Variants in ATF7 observed in about 807,000 individuals in gnomAD.
ATF7 encodes cyclic AMP-dependent transcription factor ATF-7.
ATF7 carries 10 observed loss-of-function variants against 50.4 expected under a neutral mutation model. That is an observed-to-expected ratio of 0.20 (90% CI 0.12 to 0.34). The LOEUF (loss-of-function observed/expected upper bound fraction) is 0.34, where lower values mean the gene tolerates loss of function less well. ATF7 is among the 10% of genes least tolerant of loss of function. The probability of loss-of-function intolerance (pLI) is 1.00; values close to 1 mark genes in which losing one functional copy is unlikely to be tolerated. For missense variants in ATF7, 465 were observed against 613.9 expected (o/e 0.76, Z 2.56); for synonymous variants, 201 against 226.4 (o/e 0.89, Z 1.01).
intron 1 of ATF7, among the ~76,000 whole-genome samples, chr12:53,615,194 T>C (rs1369173371): frequency 4.0e-5 from 6 of 151,144 alleles, no homozygotes; most frequent in Non-Finnish European, 8.8e-5. Flanking sequence ...CCATCCTGGC[T>C]AATATGGTGA....
At chr12:53,570,497 C>T (rs1241023585) in intron 2 of ATF7, among the ~76,000 whole-genome samples, 3 of 152,220 alleles carry the variant, frequency 2.0e-5, no homozygotes, top group East Asian at 1.9e-4. Context: ...TATAGTAGGC[C>T]GGTAATGCCT....
chr12:53,527,875 T>C (rs1938570402), intron 9 of ATF7, among the ~76,000 whole-genome samples: 1 of 152,028 alleles, frequency 6.6e-6, no homozygotes, highest in African/African-American at 2.4e-5. Context: ...GGAGTCTTGC[T>C]GTGTCACCCA....
At chr12:53,518,231 G>A (rs1437891891) in intron 11 of ATF7, among the ~76,000 whole-genome samples, 1 of 152,226 alleles carries the variant, frequency 6.6e-6, no homozygotes, top group Non-Finnish European at 1.5e-5. Flanking sequence ...TAGATATCAA[G>A]CTATAATTAA....
chr12:53,536,578 A>G (rs1005717196), intron 5 of ATF7, among the ~76,000 whole-genome samples: 1 of 149,422 alleles, frequency 6.7e-6, no homozygotes, highest in African/African-American at 2.5e-5. Context: ...TGCCTGACTG[A>G]TTTTTGGCTA....
intron 11 of ATF7, among the ~76,000 whole-genome samples, chr12:53,519,921 T>A (rs903303688): frequency 6.6e-6 from 1 of 152,070 alleles, no homozygotes; most frequent in Non-Finnish European, 1.5e-5. Flanking sequence ...TGATTTTTTT[T>A]ATTTTTAGTA....
At chr12:53,589,140 G>C (rs1364786818) in intron 2 of ATF7, among the ~76,000 whole-genome samples, 1 of 152,128 alleles carries the variant, frequency 6.6e-6, no homozygotes, top group Non-Finnish European at 1.5e-5. Context: ...AAAATAATAA[G>C]GAAGCAATTT....
intron 4 of ATF7, among the ~76,000 whole-genome samples, chr12:53,541,470 T>C (rs1431181679): frequency 2.6e-5 from 4 of 152,310 alleles, no homozygotes; most frequent in East Asian, 1.9e-4. Context: ...TTTTTCTTTT[T>C]CCCCCAAGCC....
At chr12:53,575,032 G>A (rs1941978227) in intron 2 of ATF7, 1 of 171,070 alleles carries the variant, frequency 5.8e-6, no homozygotes, top group African/African-American at 2.4e-5. Context: ...AGCACTTTGG[G>A]AGGCCGAGGC....
intron 1 of ATF7, among the ~76,000 whole-genome samples, chr12:53,604,752 T>C (rs902466092): frequency 6.6e-6 from 1 of 152,186 alleles, no homozygotes; most frequent in Non-Finnish European, 1.5e-5. Context: ...GATAATGCAC[T>C]GTAAGTATCA....
intron 1 of ATF7, among the ~76,000 whole-genome samples, chr12:53,625,022 C>G (rs11170617): frequency 6.6e-6 from 1 of 152,028 alleles, no homozygotes. Flanking sequence ...ACTCTGCACA[C>G]CCCCTACACA....
chr12:53,554,201 G>A (rs1332558914), intron 2 of ATF7, among the ~76,000 whole-genome samples: 6 of 152,146 alleles, frequency 3.9e-5, no homozygotes, highest in South Asian at 2.1e-4. Context: ...CGCAATCTCC[G>A]CTCACTGCAA....
chr12:53,522,866 CAAACA>C (rs561388853), intron 11 of ATF7, among the ~76,000 whole-genome samples: 1 of 152,214 alleles, frequency 6.6e-6, no homozygotes, highest in Non-Finnish European at 1.5e-5. Context: ...GACTCCGTCT[CAAACA>C]AAACAAAACA....
chr12:53,555,048 G>A (rs959745247), intron 2 of ATF7, among the ~76,000 whole-genome samples: 7 of 152,072 alleles, frequency 4.6e-5, no homozygotes, highest in African/African-American at 1.7e-4. Flanking sequence ...GTGGCCGGGA[G>A]TGGTGGCTCA....
rs1940452975 is a variant in ATF7, at chr12:53,552,664, G to GA, written c.49-28dup. 2.5e-6 allele frequency: 4 copies of GA among 1,589,584 alleles called. No homozygotes were observed. In the South Asian group the frequency reaches 3.3e-5, roughly 13 times the overall value. ...TGAAACGAAACAGAAATGGAGATAT[G>GA]AAAAAACAAAAACAAAAACCCGATT... On this transcript the variant is annotated intron_variant, in intron 2 of 11. Coordinates refer to ENST00000420353, the MANE Select transcript of ATF7 (RefSeq NM_006856.3).
chr12:53,625,614 C>A (rs1447569994), intron 1 of ATF7, among the ~76,000 whole-genome samples: 1 of 152,194 alleles, frequency 6.6e-6, no homozygotes, highest in Admixed American at 6.5e-5. Flanking sequence ...CCCTGATGTT[C>A]TTTTAATTAA....
At chr12:53,576,874 G>A (rs1351064423) in intron 2 of ATF7, among the ~76,000 whole-genome samples, 1 of 152,012 alleles carries the variant, frequency 6.6e-6, no homozygotes, top group Non-Finnish European at 1.5e-5. Flanking sequence ...GGCCAACATG[G>A]TGAAACCCCC....
Position 53,537,438 on chromosome 12 carries a change from A to C in ATF7, c.379T>G (p.Cys127Gly). 2 of 1,613,824 alleles carry C rather than the reference A, an allele frequency of 1.2e-6. No homozygotes were observed. The highest frequency in any genetic ancestry group is 1.7e-6 in the Non-Finnish European group (2 of 1,179,846). The change falls in exon 5 of 12, where the codon TGT (cysteine) becomes GGT (glycine). Residue 127 changes from cysteine to glycine, a missense_variant. Cys to Gly is a radical substitution (Grantham distance 159). Transcript: ENST00000420353. ...ACCTTCTCCTTCAGTGGTGGGGAAC[A>C]GGGACTAGAGGCAGGGCTATCAGGT... ...SPPDSPASSP[C>G]SPPLKEKEVT...
At chr12:53,548,472 C>T (rs989491924) in intron 3 of ATF7, among the ~76,000 whole-genome samples, 3 of 151,956 alleles carry the variant, frequency 2.0e-5, no homozygotes, top group Middle Eastern at 3.2e-3. Context: ...GCTGGGACTA[C>T]GTGCATGCGC....
chr12:53,521,027 T>C (rs964500197), intron 11 of ATF7, among the ~76,000 whole-genome samples: 9 of 151,578 alleles, frequency 5.9e-5, no homozygotes, highest in Non-Finnish European at 1.2e-4. Context: ...AATTTCCCTC[T>C]TGTTGCCCAG....
Sources: allele counts gnomAD v4.1 joint callset (sites outside exome capture counted in the v4.1 genomes callset), GRCh38; gene constraint gnomAD v4.1.1; transcripts MANE v1.5; gene names NCBI Gene and HGNC (gene_info 2026-07-23, HGNC 2026-07-21).